Variants in GTPBP10 observed in about 807,000 individuals in gnomAD.
GTPBP10 encodes the protein GTP binding protein 10, also known as GTP-binding protein 10.
In GTPBP10, 38 loss-of-function variants were observed where a neutral mutation model predicts 44.8. The observed-to-expected ratio is 0.85, with a 90% CI of 0.65 to 1.11. The LOEUF (loss-of-function observed/expected upper bound fraction) is 1.11, where lower values mean the gene tolerates loss of function less well. Among genes scored for constraint, GTPBP10 ranks in the 50% most tolerant of loss-of-function variants. The pLI is 0.00. For synonymous variants in GTPBP10, 152 were observed against 150.6 expected, an observed-to-expected ratio of 1.01 and a Z score of -0.07; for missense variants, 462 against 453.7, an observed-to-expected ratio of 1.02 and a Z score of -0.17.
At chr7:90,348,389 AC>A (rs1384946429) in intron 1 of GTPBP10, among the ~76,000 whole-genome samples, 3 of 152,216 alleles carry the variant, frequency 2.0e-5, no homozygotes, top group Admixed American at 6.5e-5. Flanking sequence ...TGGAAGCCTC[AC>A]TGATAACATA....
chr7:90,377,181 A>G (rs1373785586), intron 6 of GTPBP10, among the ~76,000 whole-genome samples: 1 of 152,142 alleles, frequency 6.6e-6, no homozygotes, highest in Non-Finnish European at 1.5e-5. Context: ...CTATGGTCAC[A>G]CCACTGCACT....
At chr7:90,354,132 C>T (rs879390349) in intron 2 of GTPBP10, among the ~76,000 whole-genome samples, 8 of 152,126 alleles carry the variant, frequency 5.3e-5, no homozygotes, top group Admixed American at 5.2e-4. Context: ...CCACGCCTGG[C>T]TTTTTCTACC....
rs1382849196 is a variant in GTPBP10 at position 90,388,044 on chromosome 7, G to C, written c.*2890G>C. On this transcript the variant is annotated 3_prime_UTR_variant, in exon 10 of 10. Coordinates refer to ENST00000222511, the MANE Select transcript of GTPBP10 (RefSeq NM_033107.4). ...TATTTGCTCTGTCAGTAGTGCCCAGGGTGCCACTCCATGACTAACCGAAAC... is the reference window on the plus strand; with the variant it reads ...TATTTGCTCTGTCAGTAGTGCCCAGCGTGCCACTCCATGACTAACCGAAAC... 1 of 152,030 alleles carries C rather than the reference G, an allele frequency of 6.6e-6. No individual in the cohort carries two copies. The highest frequency in any genetic ancestry group is 2.4e-5 in the African/African-American group (1 of 41,386). The allele number at this position is 152,030 out of a possible 1,614,324, so 9.4% of individuals were successfully genotyped here.
chr7:90,381,096 GAATGC>G (rs1796428507), intron 8 of GTPBP10, among the ~76,000 whole-genome samples: 1 of 152,138 alleles, frequency 6.6e-6, no homozygotes, highest in African/African-American at 2.4e-5. Flanking sequence ...GTAAAAATGG[GAATGC>G]AGAGATCTCT....
intron 8 of GTPBP10, among the ~76,000 whole-genome samples, chr7:90,379,178 C>A (rs183273494): frequency 1.2e-3 from 180 of 152,266 alleles, no homozygotes; most frequent in Middle Eastern, 0.01. Context: ...CTACACAAGC[C>A]CTGTCAGTTT....
intron 4 of GTPBP10, among the ~76,000 whole-genome samples, chr7:90,358,353 A>G (rs532154891): frequency 1.3e-5 from 2 of 152,330 alleles, no homozygotes; most frequent in African/African-American, 4.8e-5. Context: ...GAATCATATT[A>G]CCTGACTTCA....
At chr7:90,350,473 T>C (rs62470793) in intron 1 of GTPBP10, among the ~76,000 whole-genome samples, 135,860 of 152,018 alleles carry the variant, frequency 0.89, 60,920 homozygotes, top group East Asian at 1. Flanking sequence ...TTGAGGAATC[T>C]AGAACTGTCT....
intron 4 of GTPBP10, among the ~76,000 whole-genome samples, chr7:90,370,814 G>C (rs1796243005): frequency 6.6e-6 from 1 of 152,054 alleles, no homozygotes; most frequent in Non-Finnish European, 1.5e-5. Flanking sequence ...GACCATCCTG[G>C]CTAATATGGT....
In GTPBP10 at chr7:90,387,535, A is replaced by G; in HGVS notation, c.*2381A>G. The G allele has an allele frequency of 6.6e-6, 1 of 152,234 alleles. No individual in the cohort carries two copies. Among genetic ancestry groups the G allele is most frequent in the South Asian group, 2.1e-4 (1 of 4,824 alleles). The allele number at this position is 152,234 out of a possible 1,614,324, so 9.4% of individuals were successfully genotyped here. ...ACAACATGAGTGATGTTTTCCCAGT[A>G]TTATTTCAATTATATTTGTTTTATT... On this transcript the variant is annotated 3_prime_UTR_variant, in exon 10 of 10. Coordinates refer to ENST00000222511, the MANE Select transcript of GTPBP10 (RefSeq NM_033107.4).
In GTPBP10 at chr7:90,387,833, AC is replaced by A. The variant is rs1257642373; in HGVS notation, c.*2681del. On this transcript the variant is annotated 3_prime_UTR_variant, in exon 10 of 10. Coordinates refer to ENST00000222511, the MANE Select transcript of GTPBP10 (RefSeq NM_033107.4). Reference sequence around the variant, plus strand: ...TTTGGAATTTATAGTGATCACAGTGACCAGGTTTTGTATTGGGTATGTTTTA... The same window carrying A: ...TTTGGAATTTATAGTGATCACAGTGACAGGTTTTGTATTGGGTATGTTTTA... 8 of 152,340 alleles carry A rather than the reference AC, an allele frequency of 5.3e-5. No homozygotes were observed. The highest frequency in any genetic ancestry group is 1.9e-4 in the African/African-American group (8 of 41,570). 9.4% of individuals were successfully genotyped at this position (152,340 alleles called of 1,614,324 possible).
chr7:90,364,378 T>C (rs571946418), intron 4 of GTPBP10, among the ~76,000 whole-genome samples: 15 of 152,340 alleles, frequency 9.8e-5, no homozygotes, highest in African/African-American at 3.6e-4. Flanking sequence ...GCTGCAGGTC[T>C]GTAGGAGTTT....
chr7:90,346,778 C>A lies in GTPBP10; in HGVS notation c.33+4C>A. On this transcript the variant is annotated splice_donor_region_variant and intron_variant, in intron 1 of 9. Coordinates refer to ENST00000222511, the MANE Select transcript of GTPBP10 (RefSeq NM_033107.4). ...CAGTTGCGTGTTGTTCAGAAAGGTC[C>A]GTGCGGGTCCCCTCAGCCTGGTCCC... 6.2e-7 allele frequency: 1 copy of A among 1,614,114 alleles called. No homozygotes were observed.
At chr7:90,361,557 G>A (rs1281357237) in intron 4 of GTPBP10, among the ~76,000 whole-genome samples, 1 of 152,136 alleles carries the variant, frequency 6.6e-6, no homozygotes, top group Non-Finnish European at 1.5e-5. Context: ...GAGGATTTTT[G>A]CATCAATGTT....
Position 90,378,170 on chromosome 7 carries a change from C to A in GTPBP10, c.736C>A (p.Gln246Lys). ...ISGFQLSSHT[Q>K]YRTAFETIIL... ...TGGATTTCAGCTTTCTTCTCACACT[C>A]AATACAGGACAGCTTTTGAAACCAT... Residue 246 changes from glutamine (Q) to lysine (K), a missense_variant, in exon 8 of 10, where the codon CAA becomes AAA. Coordinates refer to ENST00000222511, the MANE Select transcript of GTPBP10 (RefSeq NM_033107.4). The A allele has an allele frequency of 6.2e-7, 1 of 1,613,060 alleles. No individual in the cohort carries two copies. Among genetic ancestry groups the A allele is most frequent in the Non-Finnish European group, 8.5e-7 (1 of 1,179,532 alleles).
chr7:90,364,726 G>A (rs1354638982), intron 4 of GTPBP10, among the ~76,000 whole-genome samples: 3 of 152,292 alleles, frequency 2.0e-5, no homozygotes, highest in Admixed American at 6.5e-5. Context: ...CCCTGCCCCC[G>A]GAGGTGGATT....
intron 4 of GTPBP10, among the ~76,000 whole-genome samples, chr7:90,364,159 T>C (rs1796085527): frequency 6.6e-6 from 1 of 152,238 alleles, no homozygotes; most frequent in African/African-American, 2.4e-5. Context: ...TCTGTCCAGC[T>C]TTGTTCCATT....
intron 4 of GTPBP10, among the ~76,000 whole-genome samples, chr7:90,368,073 G>GA (rs1796172793): frequency 6.6e-6 from 1 of 152,116 alleles, no homozygotes; most frequent in African/African-American, 2.4e-5. Flanking sequence ...ATTCTGGATT[G>GA]AAAATTCTTT....
rs751600270 is a variant in GTPBP10 at position 90,352,830 on chromosome 7, C to T, written c.48C>T (p.Ile16=). Residue 16 remains isoleucine, a synonymous_variant, in exon 2 of 10, where the codon ATC becomes ATT. Transcript: ENST00000222511. ...TTTTTTTTAAGTATGGAAATTTCAT[C>T]GATAAGCTAAGACTCTTCACCAGGG... The part of the protein sequence containing the change: ...CVLFRKYGNF[I]DKLRLFTRGG... The T allele has an allele frequency of 2.5e-6, 4 of 1,582,336 alleles. No individual in the cohort carries two copies. Among genetic ancestry groups the T allele is most frequent in the Non-Finnish European group, 3.4e-6 (4 of 1,168,916 alleles).
chr7:90,363,667 T>A (rs1449083698), intron 4 of GTPBP10, among the ~76,000 whole-genome samples: 3 of 152,212 alleles, frequency 2.0e-5, no homozygotes, highest in African/African-American at 7.2e-5. Flanking sequence ...ATTTCCTGAA[T>A]TTGAATGTTG....
Sources: allele counts gnomAD v4.1 joint callset (sites outside exome capture counted in the v4.1 genomes callset), GRCh38; gene constraint gnomAD v4.1.1; transcripts MANE v1.5; gene names NCBI Gene and HGNC (gene_info 2026-07-23, HGNC 2026-07-21).